ABCE1: variants seen among roughly 807,000 people sequenced by gnomAD.
The protein encoded by ABCE1 is ATP binding cassette subfamily E member 1, also known as ATP-binding cassette sub-family E member 1.
ABCE1 carries 22 observed loss-of-function variants against 83.4 expected under a neutral mutation model. The ratio of observed to expected loss-of-function variants is 0.26; its 90% confidence interval spans 0.19 to 0.38. ABCE1 has a LOEUF of 0.38. ABCE1 is among the 10% of genes least tolerant of loss of function. ABCE1 has a pLI of 1.00. For synonymous variants in ABCE1, 204 were observed against 233.7 expected (o/e 0.87, Z 1.16); for missense variants, 330 against 721.9 (o/e 0.46, Z 6.22).
chr4:145,125,777 A>G (rs1190415034), intron 17 of ABCE1, among the ~76,000 whole-genome samples: 1 of 152,204 alleles, frequency 6.6e-6, no homozygotes, highest in African/African-American at 2.4e-5. Flanking sequence ...TAAAAGGTGT[A>G]TTTTAGGCCA....
intron 17 of ABCE1, 73 bp from the exon 18 acceptor site, chr4:145,127,453 A>G (rs1749918990): frequency 3.8e-6 from 5 of 1,317,734 alleles, no homozygotes; most frequent in Middle Eastern, 3.6e-4. Context: ...AAGTAATACC[A>G]TGAGTGAAAG....
chr4:145,112,602 GCTAT>G (rs1231966510), intron 9 of ABCE1, among the ~76,000 whole-genome samples: 1 of 152,056 alleles, frequency 6.6e-6, no homozygotes, highest in Non-Finnish European at 1.5e-5. Flanking sequence ...GCTTTTACCA[GCTAT>G]CTTTTTCTCT....
Position 145,123,350 on chromosome 4 carries a change from G to A in ABCE1, c.1510G>A (p.Val504Ile). 1 of 1,604,618 alleles carries A rather than the reference G, an allele frequency of 6.2e-7. No individual in the cohort carries two copies. Among genetic ancestry groups the A allele is most frequent in the Non-Finnish European group, 8.5e-7 (1 of 1,175,186 alleles). Reference protein sequence around the residue: ...SEQRLMAARVVKRFILHAKKT... With the variant: ...SEQRLMAARVIKRFILHAKKT... ...GCAAAGACTGATGGCAGCTCGAGTT[G>A]TCAAACGGTAAATATCTTGCTCCTA... The change falls in exon 15 of 18, where the codon GTC (valine) becomes ATC (isoleucine). Residue 504 changes from valine (V) to isoleucine (I), a missense_variant. Coordinates refer to ENST00000296577, the MANE Select transcript of ABCE1 (RefSeq NM_002940.3).
rs766932880 is a variant in ABCE1, at chr4:145,117,242, A to G, written c.801-51A>G. On this transcript the variant is annotated intron_variant, in intron 9 of 17. Coordinates refer to ENST00000296577, the MANE Select transcript of ABCE1 (RefSeq NM_002940.3). ...ATCTCTTTTTCTGAAATTTCCAACTATTAAAAATAGTTATGTAAGAGTTTT... is the reference window on the plus strand; with the variant it reads ...ATCTCTTTTTCTGAAATTTCCAACTGTTAAAAATAGTTATGTAAGAGTTTT... The G allele has an allele frequency of 4.0e-6, 6 of 1,501,344 alleles. No homozygotes were observed. The Admixed American group carries it at 9.5e-5, about 24-fold the overall frequency. The allele number at this position is 1,501,344 out of a possible 1,614,324, so 93.0% of individuals were successfully genotyped here.
At position 145,128,141 on chromosome 4, in the gene ABCE1, T is replaced by C. The variant is rs1430364193; in HGVS notation, c.*568T>C. 1 of 152,622 alleles carries C rather than the reference T, an allele frequency of 6.6e-6. No individual in the cohort carries two copies. Among genetic ancestry groups the C allele is most frequent in the Non-Finnish European group, 1.5e-5 (1 of 68,030 alleles). 9.5% of individuals were successfully genotyped at this position (152,622 alleles called of 1,614,324 possible). ...AAAACACCACTGTTGGAAAAATAGG[T>C]ATTTTTAAATTGTTTTTAATCTTTT... is the stretch of plus-strand genomic sequence containing the variant. On this transcript the variant is annotated 3_prime_UTR_variant, in exon 18 of 18. Transcript: ENST00000296577.
intron 11 of ABCE1, among the ~76,000 whole-genome samples, chr4:145,120,847 CT>C (rs1366012833): frequency 6.6e-6 from 1 of 152,068 alleles, no homozygotes; most frequent in Non-Finnish European, 1.5e-5. Flanking sequence ...ATAAAACAGT[CT>C]ATACTGTCTT....
rs940143445 is a variant in ABCE1, at chr4:145,128,296, A to G, written c.*723A>G. 1 of 152,492 alleles carries G rather than the reference A, an allele frequency of 6.6e-6. No homozygotes were observed. The highest frequency in any genetic ancestry group is 2.4e-5 in the African/African-American group (1 of 41,402). The allele number at this position is 152,492 out of a possible 1,614,324, so 9.4% of individuals were successfully genotyped here. On this transcript the variant is annotated 3_prime_UTR_variant, in exon 18 of 18. Coordinates refer to ENST00000296577, the MANE Select transcript of ABCE1 (RefSeq NM_002940.3). Reference sequence around the variant, plus strand: ...TCTGTATTCAGTCATTCTCTAGGTAATGTCATTTTTGTACACATATATTTA... The same window carrying G: ...TCTGTATTCAGTCATTCTCTAGGTAGTGTCATTTTTGTACACATATATTTA...
intron 3 of ABCE1, among the ~76,000 whole-genome samples, chr4:145,107,269 A>G (rs1248985327): frequency 1.3e-5 from 2 of 152,106 alleles, no homozygotes; most frequent in Non-Finnish European, 2.9e-5. Context: ...CTGTGCAAAT[A>G]TGCTAGCTAT....
In ABCE1 at chr4:145,125,121, T is replaced by A; in HGVS notation, c.1752+20T>A. 6.7e-7 allele frequency: 1 copy of A among 1,495,068 alleles called. No homozygotes were observed. The highest frequency in any genetic ancestry group is 9.3e-7 in the Non-Finnish European group (1 of 1,073,964). The allele number at this position is 1,495,068 out of a possible 1,614,324, so 92.6% of individuals were successfully genotyped here. ...ATTAAGGTATGTAGAAAAGTTGTCT[T>A]AAATCATGGATTACTGATCTCAGTA... On this transcript the variant is annotated intron_variant, in intron 17 of 17. Transcript: ENST00000296577.
chr4:145,122,985 G>A, intron 13 of ABCE1, 36 bp from the exon 14 acceptor site: 1 of 1,394,072 alleles, frequency 7.2e-7, no homozygotes, highest in Non-Finnish European at 9.8e-7. Context: ...TATAGTGAAA[G>A]TTTATCATTT....
Position 145,128,435 on chromosome 4 carries a change from TA to T in ABCE1, c.*864del, listed in dbSNP as rs1749952752. The T allele has an allele frequency of 6.6e-6, 1 of 152,232 alleles. No homozygotes were observed. Among genetic ancestry groups the T allele is most frequent in the East Asian group, 1.9e-4 (1 of 5,202 alleles). The allele number at this position is 152,232 out of a possible 1,614,324, so 9.4% of individuals were successfully genotyped here. ...TGCCTAAGCATCTATGTATTTTTTT[TA>T]AGTTCCACAGATTTTTCTGTTGGGC... On this transcript the variant is annotated 3_prime_UTR_variant, in exon 18 of 18. Transcript: ENST00000296577.
rs142248045 is a variant in ABCE1 at position 145,107,671 on chromosome 4, A to G, written c.190-344A>G. 3.5e-4 allele frequency among the ~76,000 whole-genome samples: 53 copies of G among 152,360 alleles called. 1 individual carries two copies. The East Asian group carries it at 9.4e-3, about 27-fold the overall frequency. On this transcript the variant is annotated intron_variant, in intron 3 of 17. Transcript: ENST00000296577. The stretch of plus-strand genomic sequence containing the variant: ...TCCCCCAACCAAATGCCAATTGGAA[A>G]TAGAGTATTTGCAGGATGCAAAACC...
chr4:145,101,555 T>A (rs1354876392), intron 1 of ABCE1, among the ~76,000 whole-genome samples: 2 of 152,160 alleles, frequency 1.3e-5, no homozygotes, highest in Admixed American at 6.5e-5. Context: ...TGTTGAGGGT[T>A]AGAGTAGAAA....
rs1749930713 is a variant in ABCE1, at chr4:145,127,706, C to A, written c.*133C>A. 3.4e-6 allele frequency: 2 copies of A among 588,418 alleles called. No individual in the cohort carries two copies. The highest frequency in any genetic ancestry group is 5.4e-6 in the Non-Finnish European group (2 of 371,594). The allele number at this position is 588,418 out of a possible 1,614,324, so 36.4% of individuals were successfully genotyped here. Reference sequence around the variant, plus strand: ...TTGAAGTATAATATACTTAATATAACATAAAAAGCCAGTTGGGTTCTAAAT... The same window carrying A: ...TTGAAGTATAATATACTTAATATAAAATAAAAAGCCAGTTGGGTTCTAAAT... On this transcript the variant is annotated 3_prime_UTR_variant, in exon 18 of 18. Transcript: ENST00000296577.
chr4:145,107,785 GGC>G (rs1749348978), intron 3 of ABCE1, among the ~76,000 whole-genome samples: 1 of 152,086 alleles, frequency 6.6e-6, no homozygotes, highest in African/African-American at 2.4e-5. Flanking sequence ...TGGTGTACTC[GGC>G]AGTCCTGGAA....
chr4:145,116,439 A>G (rs146062004), intron 9 of ABCE1, among the ~76,000 whole-genome samples: 90 of 152,112 alleles, frequency 5.9e-4, no homozygotes, highest in African/African-American at 2.2e-3. Flanking sequence ...TTTAAACAAA[A>G]TATCAGTGGG....
At chr4:145,104,599 C>G in intron 2 of ABCE1, 84 bp downstream of exon 2, 1 of 885,092 alleles carries the variant, frequency 1.1e-6, no homozygotes, top group South Asian at 2.8e-5. Flanking sequence ...CGGACATTAA[C>G]ATAAACTTTG....
At position 145,121,366 on chromosome 4, in the gene ABCE1, C is replaced by T; in HGVS notation, c.1238C>T (p.Pro413Leu). 6.2e-7 allele frequency: 1 copy of T among 1,612,736 alleles called. No homozygotes were observed. Among genetic ancestry groups the T allele is most frequent in the Non-Finnish European group, 8.5e-7 (1 of 1,179,466 alleles). ...EVPVLNVSYK[P>L]QKISPKSTGS... is the part of the protein sequence containing the mutation. ...CCAGTTCTAAATGTCAGTTATAAGCCACAGAAAATTAGTCCCAAATCAACT... is the reference window on the plus strand; with the variant it reads ...CCAGTTCTAAATGTCAGTTATAAGCTACAGAAAATTAGTCCCAAATCAACT... The change falls in exon 13 of 18, where the codon CCA (proline) becomes CTA (leucine). Residue 413 changes from proline (P) to leucine (L), a missense_variant. Transcript: ENST00000296577.
At chr4:145,122,924 T>G (rs1038659987) in intron 13 of ABCE1, 97 bp from the exon 14 acceptor site, 2 of 821,572 alleles carry the variant, frequency 2.4e-6, no homozygotes, top group Non-Finnish European at 3.7e-6. Context: ...CAAATTGATA[T>G]ACTTTTATTC....
Sources: gnomAD v4.1 joint callset for allele counts (sites outside exome capture counted in the v4.1 genomes callset) on GRCh38, gnomAD v4.1.1 for gene constraint, MANE v1.5 for transcripts, NCBI Gene and HGNC (gene_info 2026-07-23, HGNC 2026-07-21) for gene names.